DDX31: variants seen among roughly 807,000 people sequenced by gnomAD.
DDX31 encodes DEAD-box helicase 31.
Under a neutral mutation model 91.3 loss-of-function variants are expected in DDX31, and 70 were observed. The observed-to-expected ratio is 0.77, with a 90% CI of 0.63 to 0.94. DDX31 has a LOEUF of 0.94. Among genes scored for constraint, DDX31 ranks in the 40% least tolerant of loss-of-function variants. DDX31 has a pLI of 0.00. For synonymous variants in DDX31, 362 were observed against 350.6 expected (o/e 1.03, Z -0.36); for missense variants, 902 against 925.0 (o/e 0.98, Z 0.32).
intron 19 of DDX31, among the ~76,000 whole-genome samples, chr9:132,603,979 G>A (rs1830866378): frequency 6.6e-6 from 1 of 152,168 alleles, no homozygotes. Context: ...AAACCATGGT[G>A]GAAGCAAAAG....
At chr9:132,662,770 A>AATT in intron 1 of DDX31, 75 bp from the exon 2 acceptor site, 2 of 1,583,960 alleles carry the variant, frequency 1.3e-6, no homozygotes, top group South Asian at 2.3e-5. Flanking sequence ...GTGAAGCCTG[A>AATT]CTGCCCACAG....
Position 132,595,219 on chromosome 9 carries a change from T to G in DDX31, c.1995-107A>C, listed in dbSNP as rs139852386. On this transcript the variant is annotated intron_variant, in intron 19 of 19. Transcript: ENST00000372159. This position sits in a 1 kb window ranked among gnomAD's most constrained non-coding sequence, Gnocchi z 4.6. ...TTCTGAGACTGTGAAGCTGACATTTTTGTATTAACAGAAGTACAATCCCTT... is the reference window on the plus strand; with the variant it reads ...TTCTGAGACTGTGAAGCTGACATTTGTGTATTAACAGAAGTACAATCCCTT... 4.5e-4 allele frequency: 617 copies of G among 1,361,806 alleles called. 6 individuals carry two copies. The African/African-American group carries it at 7.7e-3, about 17-fold the overall frequency. 84.4% of individuals were successfully genotyped at this position (1,361,806 alleles called of 1,614,324 possible). A position where few individuals can be genotyped will look rare whatever the true frequency, so the allele number is the denominator to read the frequency against.
At chr9:132,634,817 C>G (rs1036883313) in intron 14 of DDX31, among the ~76,000 whole-genome samples, 1 of 152,032 alleles carries the variant, frequency 6.6e-6, no homozygotes, top group African/African-American at 2.4e-5. Flanking sequence ...GCGATCCCCC[C>G]ATCCCAGCCT....
chr9:132,608,728 C>T (rs1215517156), intron 19 of DDX31, among the ~76,000 whole-genome samples: 1 of 152,140 alleles, frequency 6.6e-6, no homozygotes, highest in Non-Finnish European at 1.5e-5. Flanking sequence ...CATAAGGAAC[C>T]CATTCTCTTT....
rs532976504 is a variant in DDX31, at chr9:132,633,162, G to A, written c.1441-1071C>T. Among the ~76,000 whole-genome samples the A allele has an allele frequency of 2.6e-5, 4 of 152,322 alleles. No individual in the cohort carries two copies. In the South Asian group the frequency reaches 6.2e-4, roughly 24 times the overall value. ...ATTTTGTTCGGGGACACACAGCTGG[G>A]AAGTGGAAATAATCCTCGAATCCAG... On this transcript the variant is annotated intron_variant, in intron 14 of 19. Coordinates refer to ENST00000372159, the MANE Select transcript of DDX31 (RefSeq NM_022779.9).
intron 6 of DDX31, among the ~76,000 whole-genome samples, chr9:132,654,094 G>A (rs1349624086): frequency 6.6e-6 from 1 of 151,940 alleles, no homozygotes; most frequent in East Asian, 1.9e-4. Context: ...AAACAAAGCT[G>A]GAATTGTCCT....
chr9:132,658,829 C>A, intron 5 of DDX31, 94 bp from the exon 6 acceptor site: 1 of 1,132,728 alleles, frequency 8.8e-7, no homozygotes, highest in South Asian at 1.4e-5. Flanking sequence ...CTGCTATCTT[C>A]CAGTAGTACT....
chr9:132,632,016 T>C, intron 15 of DDX31, 25 bp downstream of exon 15: 1 of 1,607,576 alleles, frequency 6.2e-7, no homozygotes, highest in Non-Finnish European at 8.5e-7. Flanking sequence ...GCCTAAAGCT[T>C]ACACCTTAAC....
rs140980472 is a variant in DDX31, at chr9:132,606,074, C to T, written c.1994+6013G>A. On this transcript the variant is annotated intron_variant, in intron 19 of 19. Transcript: ENST00000372159. ...CCGGAGGGATCAACAGTGTTGGATG[C>T]GGCTGAGATGGAGTAGATAAGCACT... is the stretch of plus-strand genomic sequence containing the variant. Among the ~76,000 whole-genome samples the T allele has an allele frequency of 7.2e-5, 11 of 152,204 alleles. No homozygotes were observed. The East Asian group carries it at 1.5e-3, about 21-fold the overall frequency.
intron 14 of DDX31, 113 bp from the exon 15 acceptor site, chr9:132,632,204 T>C (rs1421253544): frequency 1.5e-6 from 1 of 654,116 alleles, no homozygotes; most frequent in Non-Finnish European, 2.4e-6. Flanking sequence ...CCACAGTACA[T>C]GCACATTCGG....
Position 132,647,221 on chromosome 9 carries a change from T to C in DDX31, c.968-163A>G, listed in dbSNP as rs1833897683. Among the ~76,000 whole-genome samples, 3 of 152,036 alleles carry C rather than the reference T, an allele frequency of 2.0e-5. No individual in the cohort carries two copies. In the South Asian group the frequency reaches 6.2e-4, roughly 32 times the overall value. On this transcript the variant is annotated intron_variant, in intron 11 of 19. Coordinates refer to ENST00000372159, the MANE Select transcript of DDX31 (RefSeq NM_022779.9). ...ACTGATCCGCCCTAGTGCCAACGTG[T>C]GTGTTGCAGGGAGATCTACCAACGT...
intron 4 of DDX31, 129 bp from the exon 5 acceptor site, chr9:132,659,909 A>C: frequency 1.3e-6 from 1 of 773,508 alleles, no homozygotes; most frequent in Non-Finnish European, 2.1e-6. Flanking sequence ...AAGCTATCAA[A>C]GCATTCAAAT....
rs752693872 is a variant in DDX31, at chr9:132,662,347, T to C, written c.333-11A>G. 6.8e-6 allele frequency: 11 copies of C among 1,614,074 alleles called. No individual in the cohort carries two copies. Among genetic ancestry groups the C allele is most frequent in the Admixed American group, 5.0e-5 (3 of 59,998 alleles). On this transcript the variant is annotated splice_polypyrimidine_tract_variant and intron_variant, in intron 2 of 19. Coordinates refer to ENST00000372159, the MANE Select transcript of DDX31 (RefSeq NM_022779.9). The stretch of plus-strand genomic sequence containing the variant: ...TGCTTTACCACAGGTCTGCAAATGA[T>C]GAACAAGAACCCAGGCATCAGTGCC...
rs1352828170 is a variant in DDX31, at chr9:132,662,553, AT to A, written c.217del (p.Met73CysfsTer42). On this transcript the variant is annotated frameshift_variant, in exon 2 of 20. Coordinates refer to ENST00000372159, the MANE Select transcript of DDX31 (RefSeq NM_022779.9). LOFTEE classifies it high-confidence loss of function. ...QRTFKGNAQK[M>X]FSPKKHSVST... ...AACCGAATGCTTCTTTGGAGAAAAC[AT>A]TTTTTGTGCGTTCCCCTTAAAAGTC... The A allele has an allele frequency of 3.1e-6, 5 of 1,614,156 alleles. No individual in the cohort carries two copies. Among genetic ancestry groups the A allele is most frequent in the Non-Finnish European group, 4.2e-6 (5 of 1,180,020 alleles).
At chr9:132,635,091 T>TTAGGC (rs2130697439) in intron 14 of DDX31, among the ~76,000 whole-genome samples, 1 of 152,260 alleles carries the variant, frequency 6.6e-6, no homozygotes, top group East Asian at 1.9e-4. Context: ...AAGGTTGCGG[T>TTAGGC]TAGGCTTTCT....
intron 1 of DDX31, among the ~76,000 whole-genome samples, chr9:132,666,518 A>AT (rs11430261): frequency 0.075 from 11,337 of 151,236 alleles, 546 homozygotes; most frequent in African/African-American, 0.13. Context: ...AATATCAGAA[A>AT]TTTTTTTTTG....
chr9:132,652,474 C>A lies in DDX31; in HGVS notation c.607G>T (p.Ala203Ser). 2 of 1,614,084 alleles carry A rather than the reference C, an allele frequency of 1.2e-6. No individual in the cohort carries two copies. Among genetic ancestry groups the A allele is most frequent in the Non-Finnish European group, 1.7e-6 (2 of 1,180,010 alleles). ...TCTCTCGTTGGCACGAGCACCAGGG[C>A]ATAGGGGCCATCACTGCGCTGTTGA... ...SKIQRSDGPY[A>S]LVLVPTRELA... The change falls in exon 7 of 20, where the codon GCC becomes TCC. Residue 203 changes from alanine to serine, a missense_variant. By Grantham distance (99) the Ala-to-Ser change is moderately conservative. Transcript: ENST00000372159.
Position 132,647,058 on chromosome 9 carries a change from C to A in DDX31, c.968G>T (p.Gly323Val). The change falls in exon 12 of 20, where the codon GGT becomes GTT. Residue 323 changes from glycine (G) to valine (V), a missense_variant and splice_region_variant. Physicochemically the swap from Gly to Val is moderately radical, Grantham distance 109 (BLOSUM62 -3). Coordinates refer to ENST00000372159, the MANE Select transcript of DDX31 (RefSeq NM_022779.9). ...ACTGATATCAGCTAGCCGCGTTACACCTTGGATAAAAGTAAGAAGGGCAAA... is the reference window on the plus strand; with the variant it reads ...ACTGATATCAGCTAGCCGCGTTACAACTTGGATAAAAGTAAGAAGGGCAAA... ...NVLLSATLTEGVTRLADISLH... is the reference protein window; with the variant it reads ...NVLLSATLTEVVTRLADISLH... The A allele has an allele frequency of 6.3e-7, 1 of 1,599,386 alleles. No individual in the cohort carries two copies. Among genetic ancestry groups the A allele is most frequent in the Non-Finnish European group, 8.5e-7 (1 of 1,172,436 alleles).
chr9:132,632,979 AC>A (rs1401041153), intron 14 of DDX31, among the ~76,000 whole-genome samples: 1 of 152,222 alleles, frequency 6.6e-6, no homozygotes, highest in Non-Finnish European at 1.5e-5. Context: ...TTCAAGAATA[AC>A]AGTCGTAACA....
Sources: gnomAD v4.1 joint callset for allele counts (sites outside exome capture counted in the v4.1 genomes callset) on GRCh38, gnomAD v4.1.1 for gene constraint, Gnocchi (gnomAD v3.1) non-coding constraint, MANE v1.5 for transcripts, NCBI Gene and HGNC (gene_info 2026-07-23, HGNC 2026-07-21) for gene names.